The following DENND2A variants were observed in gnomAD, a reference collection of about 807,000 sequenced individuals.
DENND2A encodes the protein DENN domain-containing protein 2A.
A neutral mutation model predicts 105.3 loss-of-function variants in DENND2A; 53 were observed. That is an observed-to-expected ratio of 0.50 (90% confidence interval 0.40 to 0.63). The LOEUF (loss-of-function observed/expected upper bound fraction) is 0.63, where lower values mean the gene tolerates loss of function less well. Ranked by LOEUF, DENND2A falls within the 30% of genes least tolerant of loss-of-function variation. DENND2A has a pLI of 0.00. For synonymous variants in DENND2A, 522 were observed against 508.4 expected, an observed-to-expected ratio of 1.03 and a Z score of -0.36; for missense variants, 1,138 against 1,279.6, an observed-to-expected ratio of 0.89 and a Z score of 1.69.
intron 1 of DENND2A, among the ~76,000 whole-genome samples, chr7:140,620,124 A>G (rs544434448): frequency 0.012 from 1,849 of 152,076 alleles, 29 homozygotes; most frequent in Non-Finnish European, 0.016. Context: ...TGAACCCAGG[A>G]GGCGGAGGTT....
intron 3 of DENND2A, among the ~76,000 whole-genome samples, chr7:140,593,988 C>T (rs896683033): frequency 6.6e-5 from 10 of 151,990 alleles, no homozygotes; most frequent in Non-Finnish European, 2.9e-5. Context: ...TTACTGCAAC[C>T]TCTGCCTCCT....
At chr7:140,600,486 TC>T (rs1799444403) in intron 3 of DENND2A, among the ~76,000 whole-genome samples, 1 of 152,008 alleles carries the variant, frequency 6.6e-6, no homozygotes, top group African/African-American at 2.4e-5. Flanking sequence ...AAGCAGGACT[TC>T]CAGGGACATG....
Position 140,640,546 on chromosome 7 carries a change from G to C in DENND2A, c.-290C>G, listed in dbSNP as rs1217649746. 1 of 150,586 alleles carries C rather than the reference G, an allele frequency of 6.6e-6. No homozygotes were observed. Among genetic ancestry groups the C allele is most frequent in the African/African-American group, 2.4e-5 (1 of 41,012 alleles). 9.3% of individuals were successfully genotyped at this position (150,586 alleles called of 1,614,324 possible). A position where few individuals can be genotyped will look rare whatever the true frequency, so the allele number is the denominator to read the frequency against. ...CTCCGCGGGCTCTGGGGCGCATCTT[G>C]GGGGCTCCGGGGCGGGCCGGGACGG... On this transcript the variant is annotated 5_prime_UTR_variant, in exon 1 of 20. Transcript: ENST00000496613. The surrounding 1 kb of genome is among the most constrained non-coding windows in gnomAD (Gnocchi z 4.9).
intron 1 of DENND2A, among the ~76,000 whole-genome samples, chr7:140,612,038 C>T (rs538567438): frequency 6.6e-6 from 1 of 152,034 alleles, no homozygotes; most frequent in Admixed American, 6.6e-5. Context: ...GTCTGGAGTT[C>T]GAGACCAGCC....
intron 19 of DENND2A, among the ~76,000 whole-genome samples, chr7:140,519,177 C>T (rs538851218): frequency 1.2e-4 from 19 of 152,340 alleles, no homozygotes; most frequent in African/African-American, 4.3e-4. Context: ...CTACTGGGGC[C>T]TCCGTCCTCT....
intron 1 of DENND2A, among the ~76,000 whole-genome samples, chr7:140,634,957 G>C (rs992308931): frequency 2.1e-5 from 3 of 144,762 alleles, no homozygotes; most frequent in Non-Finnish European, 4.5e-5. Context: ...GCAAGACTCC[G>C]TCTCAAAAAA....
chr7:140,546,516 A>C (rs1796912516), intron 13 of DENND2A, among the ~76,000 whole-genome samples: 5 of 152,236 alleles, frequency 3.3e-5, no homozygotes, highest in Admixed American at 3.3e-4. Flanking sequence ...TATTAAAAGA[A>C]ATTAAGGATG....
At chr7:140,542,489 G>A (rs6978044) in intron 14 of DENND2A, among the ~76,000 whole-genome samples, 3,822 of 151,860 alleles carry the variant, frequency 0.025, 124 homozygotes, top group African/African-American at 0.075. Context: ...CACCACTGCC[G>A]GCTCATCTCT....
At chr7:140,622,697 C>A (rs1216901272) in intron 1 of DENND2A, among the ~76,000 whole-genome samples, 1 of 152,072 alleles carries the variant, frequency 6.6e-6, no homozygotes, top group Admixed American at 6.6e-5. Context: ...TCCACCAACC[C>A]TCTAGGGGGA....
chr7:140,519,116 T>C (rs916134272), intron 19 of DENND2A, among the ~76,000 whole-genome samples: 4 of 152,198 alleles, frequency 2.6e-5, no homozygotes, highest in African/African-American at 9.7e-5. Context: ...GGCACAGATA[T>C]GGCGCCCTTC....
intron 3 of DENND2A, among the ~76,000 whole-genome samples, chr7:140,589,959 A>C (rs76598568): frequency 0.024 from 3,616 of 152,248 alleles, 146 homozygotes; most frequent in African/African-American, 0.082. Flanking sequence ...TATAGGTCAA[A>C]TTTCGAAATG....
chr7:140,568,842 G>T lies in DENND2A; in HGVS notation c.1541-29C>A, dbSNP rs1797975708. 3 of 1,609,986 alleles carry T rather than the reference G, an allele frequency of 1.9e-6. No individual in the cohort carries two copies. The African/African-American group carries it at 4.0e-5, about 21-fold the overall frequency. On this transcript the variant is annotated intron_variant, in intron 7 of 19. Transcript: ENST00000496613. ...GAAGAAAAGAACAAGGAAGAAAATT[G>T]CAAATGTGAGTTCTTCTCATGTAGG...
chr7:140,531,295 G>T (rs977165512), intron 14 of DENND2A, among the ~76,000 whole-genome samples: 6 of 152,194 alleles, frequency 3.9e-5, no homozygotes. Flanking sequence ...CGTGTGCTAT[G>T]GTTGTAAAGT....
In DENND2A at chr7:140,567,041, T is replaced by A. The variant is rs545315300; in HGVS notation, c.1779+45A>T. The A allele has an allele frequency of 1.5e-4, 223 of 1,500,420 alleles. 3 individuals carry two copies. In the South Asian group the frequency reaches 2.8e-3, roughly 19 times the overall value. 92.9% of individuals were successfully genotyped at this position (1,500,420 alleles called of 1,614,324 possible). ...CAATTCATGAGTCCCAACAAGGTGA[T>A]GGTTAGAACCCTGGCAGGCCACAGG... On this transcript the variant is annotated intron_variant, in intron 9 of 19. Coordinates refer to ENST00000496613, the MANE Select transcript of DENND2A (RefSeq NM_015689.5).
At chr7:140,544,217 G>A (rs1796798421) in intron 14 of DENND2A, 1 of 288,350 alleles carries the variant, frequency 3.5e-6, no homozygotes, top group Non-Finnish European at 6.8e-6. Context: ...GGGCAGGAGG[G>A]AAGGTCTCCC....
chr7:140,538,413 G>C (rs190566917), intron 14 of DENND2A, among the ~76,000 whole-genome samples: 1 of 152,196 alleles, frequency 6.6e-6, no homozygotes, highest in South Asian at 2.1e-4. Context: ...CCACGTGAGC[G>C]GAGCAGGGTT....
intron 3 of DENND2A, among the ~76,000 whole-genome samples, chr7:140,599,523 G>A (rs1282081789): frequency 6.6e-6 from 1 of 151,898 alleles, no homozygotes; most frequent in Non-Finnish European, 1.5e-5. Context: ...TCTGTGAAGT[G>A]GTTACTATAA....
intron 14 of DENND2A, among the ~76,000 whole-genome samples, chr7:140,532,761 T>C (rs550686834): frequency 2.0e-5 from 3 of 152,252 alleles, no homozygotes; most frequent in Admixed American, 6.5e-5. Context: ...GGCATGTGCC[T>C]GTAGTCCCAG....
chr7:140,545,402 G>A (rs939081338), intron 13 of DENND2A, among the ~76,000 whole-genome samples: 2 of 152,162 alleles, frequency 1.3e-5, no homozygotes, highest in African/African-American at 4.8e-5. Flanking sequence ...CCAGGCTGGA[G>A]TGCAGTGGTG....
Sources: gnomAD v4.1 joint callset for allele counts (sites outside exome capture counted in the v4.1 genomes callset) on GRCh38, gnomAD v4.1.1 for gene constraint, Gnocchi (gnomAD v3.1) non-coding constraint, MANE v1.5 for transcripts, NCBI Gene and HGNC (gene_info 2026-07-23, HGNC 2026-07-21) for gene names.